The following ZFHX3 variants were observed in gnomAD, a reference collection of about 807,000 sequenced individuals.
ZFHX3 encodes zinc finger homeobox 3.
In ZFHX3, 42 loss-of-function variants were observed where a neutral mutation model predicts 279.1. That is an observed-to-expected ratio of 0.15 (90% confidence interval 0.12 to 0.19). The LOEUF (loss-of-function observed/expected upper bound fraction) is 0.19, where lower values mean the gene tolerates loss of function less well. Ranked by LOEUF, ZFHX3 falls within the 10% of genes least tolerant of loss-of-function variation. The pLI, the probability that ZFHX3 is intolerant of heterozygous loss-of-function variation, is 1.00. For missense variants in ZFHX3, 4,981 were observed against 4,754.0 expected, an observed-to-expected ratio of 1.05 and a Z score of -1.40; for synonymous variants, 2,293 against 1,957.8, an observed-to-expected ratio of 1.17 and a Z score of -4.52.
At chr16:72,893,889 C>A (rs184098735) in intron 3 of ZFHX3, among the ~76,000 whole-genome samples, 1 of 152,292 alleles carries the variant, frequency 6.6e-6, no homozygotes, top group African/African-American at 2.4e-5. Flanking sequence ...GTGGCTCACA[C>A]CTGTAAACCC....
intron 7 of ZFHX3, among the ~76,000 whole-genome samples, chr16:73,130,563 T>TTA (rs1193546693): frequency 2.0e-5 from 3 of 152,198 alleles, no homozygotes; most frequent in African/African-American, 7.2e-5. Context: ...GTTCATTACT[T>TTA]TTTAAAGTGT....
intron 1 of ZFHX3, among the ~76,000 whole-genome samples, chr16:73,847,466 C>T (rs1263906798): frequency 6.6e-6 from 1 of 152,064 alleles, no homozygotes; most frequent in Non-Finnish European, 1.5e-5. Flanking sequence ...GTAGACTTAT[C>T]CTGGGCCAGA....
At chr16:72,843,383 C>G (rs901971127) in intron 4 of ZFHX3, among the ~76,000 whole-genome samples, 1 of 151,938 alleles carries the variant, frequency 6.6e-6, no homozygotes, top group East Asian at 1.9e-4. Flanking sequence ...TGGTGGCGGG[C>G]GCCTGTAGTC....
chr16:73,610,873 G>A (rs924741882), intron 2 of ZFHX3, among the ~76,000 whole-genome samples: 3 of 152,200 alleles, frequency 2.0e-5, no homozygotes, highest in South Asian at 2.1e-4. Context: ...AAAGCCAGGG[G>A]CTTGGGAAGC....
chr16:73,303,724 T>C (rs1442140684), intron 4 of ZFHX3, among the ~76,000 whole-genome samples: 2 of 150,872 alleles, frequency 1.3e-5, no homozygotes, highest in East Asian at 1.9e-4. Flanking sequence ...ATTATTTAGA[T>C]GGCCATCTCA....
intron 8 of ZFHX3, among the ~76,000 whole-genome samples, chr16:73,075,824 G>C (rs751962358): frequency 9.9e-5 from 15 of 152,178 alleles, no homozygotes; most frequent in South Asian, 6.2e-4. Context: ...GGTGGAGACA[G>C]GGTTTCACTG....
At chr16:73,152,847 G>T (rs999402157) in intron 5 of ZFHX3, among the ~76,000 whole-genome samples, 1 of 151,684 alleles carries the variant, frequency 6.6e-6, no homozygotes, top group East Asian at 1.9e-4. Context: ...GAGTAATCGC[G>T]AGAAGAGAGG....
intron 5 of ZFHX3, among the ~76,000 whole-genome samples, chr16:73,144,063 C>G (rs995495233): frequency 2.4e-4 from 36 of 152,154 alleles, no homozygotes; most frequent in Admixed American, 6.6e-4. Context: ...AAAGCACATT[C>G]TTGAACTGGG....
intron 5 of ZFHX3, among the ~76,000 whole-genome samples, chr16:73,185,128 C>G (rs949640496): frequency 1.3e-5 from 2 of 152,092 alleles, no homozygotes; most frequent in Non-Finnish European, 2.9e-5. Context: ...CATGTACCAT[C>G]TCTTATAGGC....
intron 7 of ZFHX3, among the ~76,000 whole-genome samples, chr16:73,121,870 C>T (rs1242999793): frequency 6.6e-6 from 1 of 152,076 alleles, no homozygotes; most frequent in Non-Finnish European, 1.5e-5. Flanking sequence ...CTGCCTCGGC[C>T]TCCGAAAGTG....
intron 1 of ZFHX3, among the ~76,000 whole-genome samples, chr16:73,857,437 T>G (rs1285866035): frequency 6.6e-6 from 1 of 152,200 alleles, no homozygotes; most frequent in Non-Finnish European, 1.5e-5. Flanking sequence ...TCCCCTCTCT[T>G]TAGCATAAAG....
chr16:73,115,106 C>T (rs888885011), intron 7 of ZFHX3, among the ~76,000 whole-genome samples: 11 of 152,152 alleles, frequency 7.2e-5, no homozygotes, highest in African/African-American at 2.4e-4. Flanking sequence ...TCTTGAAGTT[C>T]AGGACCAACT....
intron 5 of ZFHX3, among the ~76,000 whole-genome samples, chr16:73,176,593 C>CCTT (rs964745451): frequency 1.1e-4 from 16 of 150,366 alleles, no homozygotes; most frequent in Admixed American, 6.7e-4. Flanking sequence ...TGATTGATAG[C>CCTT]CTTCTTCTTC....
chr16:73,562,601 A>C (rs1036070235), intron 2 of ZFHX3, among the ~76,000 whole-genome samples: 2 of 151,262 alleles, frequency 1.3e-5, no homozygotes, highest in Non-Finnish European at 3.0e-5. Flanking sequence ...GTCTCAAAAA[A>C]AAAAAAAAAA....
intron 5 of ZFHX3, among the ~76,000 whole-genome samples, chr16:73,166,026 A>G (rs1967355564): frequency 6.6e-6 from 1 of 152,206 alleles, no homozygotes; most frequent in Admixed American, 6.5e-5. Flanking sequence ...AAACTGAGAA[A>G]CAAGAATACT....
At chr16:72,811,836 A>T in intron 6 of ZFHX3, 59 bp from the exon 7 acceptor site, 1 of 818,892 alleles carries the variant, frequency 1.2e-6, no homozygotes. Context: ...CCGCCCACCC[A>T]AAAGTTTGTT....
rs1445113204 is a variant in ZFHX3, at chr16:73,306,063, C to T, written c.-1194+12177G>A. On this transcript the variant is annotated intron_variant, in intron 4 of 17. Coordinates refer to the ZFHX3 transcript ENST00000641206. The stretch of plus-strand genomic sequence containing the variant: ...TACAAAATCTCAGGTGACGCTGACG[C>T]GACCTGTGGACCACACATTAAGGAA... Among the ~76,000 whole-genome samples the T allele has an allele frequency of 3.3e-5, 5 of 152,290 alleles. No homozygotes were observed. The East Asian group carries it at 7.7e-4, about 24-fold the overall frequency.
intron 4 of ZFHX3, among the ~76,000 whole-genome samples, chr16:72,845,102 G>A (rs887159157): frequency 1.9e-4 from 29 of 152,232 alleles, no homozygotes; most frequent in South Asian, 1.2e-3. Flanking sequence ...GGCAAGGTGC[G>A]GACACCAGAG....
At chr16:72,876,661 A>G (rs1318806277) in intron 4 of ZFHX3, among the ~76,000 whole-genome samples, 1 of 152,190 alleles carries the variant, frequency 6.6e-6, no homozygotes, top group Non-Finnish European at 1.5e-5. Flanking sequence ...CATATCCTTT[A>G]GAGATAATCT....
Sources: allele counts gnomAD v4.1 joint callset (sites outside exome capture counted in the v4.1 genomes callset), GRCh38; gene constraint gnomAD v4.1.1; transcripts MANE v1.5; gene names NCBI Gene and HGNC (gene_info 2026-07-23, HGNC 2026-07-21).